Variants in SGPL1 observed in about 807,000 individuals in gnomAD.
SGPL1 encodes sphingosine-1-phosphate lyase 1.
SGPL1 carries 37 observed loss-of-function variants against 68.9 expected under a neutral mutation model. The ratio of observed to expected loss-of-function variants is 0.54; its 90% confidence interval spans 0.41 to 0.71. The LOEUF (loss-of-function observed/expected upper bound fraction) is 0.71, where lower values mean the gene tolerates loss of function less well. Among genes scored for constraint, SGPL1 ranks in the 30% least tolerant of loss-of-function variants. SGPL1 has a pLI of 0.00. For missense variants in SGPL1, 551 were observed against 704.6 expected, an observed-to-expected ratio of 0.78 and a Z score of 2.47; for synonymous variants, 236 against 248.5, an observed-to-expected ratio of 0.95 and a Z score of 0.47.
At chr10:70,861,086 T>C (rs1189220085) in intron 7 of SGPL1, among the ~76,000 whole-genome samples, 1 of 151,622 alleles carries the variant, frequency 6.6e-6, no homozygotes, top group Non-Finnish European at 1.5e-5. Context: ...ACTTTGTCCA[T>C]TTCCTGCTCC....
intron 7 of SGPL1, among the ~76,000 whole-genome samples, chr10:70,861,904 C>A (rs1313905226): frequency 6.6e-6 from 1 of 152,242 alleles, no homozygotes; most frequent in Non-Finnish European, 1.5e-5. Context: ...GACCTGCAGC[C>A]CGCCATGCCT....
intron 3 of SGPL1, among the ~76,000 whole-genome samples, chr10:70,846,228 G>A (rs1290134755): frequency 1.3e-5 from 2 of 152,144 alleles, no homozygotes; most frequent in South Asian, 2.1e-4. Flanking sequence ...CCCTTCCGCT[G>A]CATCTGCTCA....
intron 2 of SGPL1, among the ~76,000 whole-genome samples, chr10:70,832,412 T>C (rs932624152): frequency 6.6e-6 from 1 of 152,172 alleles, no homozygotes; most frequent in Non-Finnish European, 1.5e-5. Flanking sequence ...AGGGAAGGAA[T>C]TTCCACAAAT....
intron 2 of SGPL1, among the ~76,000 whole-genome samples, chr10:70,844,229 A>G (rs1845757591): frequency 2.0e-5 from 3 of 152,180 alleles, no homozygotes; most frequent in African/African-American, 7.2e-5. Context: ...CTCTTACTGT[A>G]TAAAATAGGC....
chr10:70,860,280 T>TG (rs1846029258), intron 7 of SGPL1: 1 of 431,098 alleles, frequency 2.3e-6, no homozygotes, highest in Non-Finnish European at 4.7e-6. Flanking sequence ...GTCCTAGAGG[T>TG]GCTAATCCTA....
intron 2 of SGPL1, among the ~76,000 whole-genome samples, chr10:70,828,157 T>G: frequency 6.6e-6 from 1 of 152,172 alleles, no homozygotes; most frequent in Non-Finnish European, 1.5e-5. Context: ...GCCAAACAGA[T>G]TTCCAAAGTG....
intron 3 of SGPL1, among the ~76,000 whole-genome samples, chr10:70,846,705 C>G (rs1845797636): frequency 6.6e-6 from 1 of 152,168 alleles, no homozygotes; most frequent in South Asian, 2.1e-4. Flanking sequence ...GCTTAGAGAT[C>G]TGAGATTTAT....
At position 70,857,588 on chromosome 10, in the gene SGPL1, AC is replaced by A. The variant is rs140087696; in HGVS notation, c.410-24del. 4.3e-4 allele frequency: 685 copies of A among 1,587,908 alleles called. 2 individuals carry two copies. The African/African-American group carries it at 7.8e-3, about 18-fold the overall frequency. Reference sequence around the variant, plus strand: ...TCTTCCCAGAGATTCTTGCTTACTGACCAGTGACCTTACCTTTCTCTGCAGA... The same window carrying A: ...TCTTCCCAGAGATTCTTGCTTACTGACAGTGACCTTACCTTTCTCTGCAGA... On this transcript the variant is annotated intron_variant, in intron 5 of 14. Transcript: ENST00000373202.
chr10:70,857,122 T>G (rs1589464805), intron 5 of SGPL1: 1 of 165,280 alleles, frequency 6.1e-6, no homozygotes, highest in East Asian at 1.9e-4. Flanking sequence ...GTTTGTTTGC[T>G]GGTTTCATCT....
rs1291721736 is a variant in SGPL1 at position 70,816,729 on chromosome 10, C to T, written c.-43-82C>T. The T allele has an allele frequency of 6.4e-6, 6 of 932,400 alleles. No individual in the cohort carries two copies. The South Asian group carries it at 6.5e-5, about 10-fold the overall frequency. 57.8% of individuals were successfully genotyped at this position (932,400 alleles called of 1,614,324 possible). ...CTTCAAAGGAGGGAGAGAACCATAA[C>T]TTGGCTGCTCTGGCGAATCTAGGCG... On this transcript the variant is annotated intron_variant, in intron 1 of 14. Coordinates refer to ENST00000373202, the MANE Select transcript of SGPL1 (RefSeq NM_003901.4).
intron 7 of SGPL1, among the ~76,000 whole-genome samples, chr10:70,863,589 AG>A (rs1011951895): frequency 1.3e-5 from 2 of 152,096 alleles, no homozygotes; most frequent in African/African-American, 4.8e-5. Context: ...CTTCCAGAGA[AG>A]ATTTGTCATA....
chr10:70,837,038 AAAAT>A (rs1209781274), intron 2 of SGPL1, among the ~76,000 whole-genome samples: 13 of 151,896 alleles, frequency 8.6e-5, no homozygotes, highest in Admixed American at 2.6e-4. Context: ...TTATTTTTAT[AAAAT>A]AAATTTATTT....
rs192137743 is a variant in SGPL1, at chr10:70,861,755, C to T, written c.615+2256C>T. Among the ~76,000 whole-genome samples, 995 of 152,308 alleles carry T rather than the reference C, an allele frequency of 6.5e-3. 13 individuals carry two copies. Among genetic ancestry groups the T allele is most frequent in the South Asian group, 0.035 (169 of 4,822 alleles). ...ACTCGGAGCAGCCGGCCGGCCCTGC[C>T]GGCCCCGGGCAATGAGGGGCTTAGC... On this transcript the variant is annotated intron_variant, in intron 7 of 14. Coordinates refer to ENST00000373202, the MANE Select transcript of SGPL1 (RefSeq NM_003901.4).
rs548713491 is a variant in SGPL1, at chr10:70,825,704, C to G, written c.27+8824C>G. Among the ~76,000 whole-genome samples the G allele has an allele frequency of 7.2e-5, 11 of 152,292 alleles. No individual in the cohort carries two copies. The South Asian group carries it at 2.3e-3, about 32-fold the overall frequency. On this transcript the variant is annotated intron_variant, in intron 2 of 14. Coordinates refer to ENST00000373202, the MANE Select transcript of SGPL1 (RefSeq NM_003901.4). The stretch of plus-strand genomic sequence containing the variant: ...TGCCTAGGAATCCCTCTACAATGCC[C>G]TGTCAGGAGTGAGTGCTACATACTT...
chr10:70,863,028 A>C (rs1229306978), intron 7 of SGPL1, among the ~76,000 whole-genome samples: 3 of 152,166 alleles, frequency 2.0e-5, no homozygotes, highest in Non-Finnish European at 1.5e-5. Context: ...TCTGTTGCTC[A>C]GGCCAGAGTG....
Position 70,875,473 on chromosome 10 carries a change from A to G in SGPL1, c.1370A>G (p.Asp457Gly). The change falls in exon 13 of 15, where the codon GAT (aspartate) becomes GGT (glycine). Residue 457 changes from aspartate (D) to glycine (G), a missense_variant. Transcript: ENST00000373202. ...TCAGTCATTGCTCTGGGATCCCGTG[A>G]TTTTGACATCTACCGACTATCAAAC... ...QLSVIALGSR[D>G]FDIYRLSNLM... 1.9e-6 allele frequency: 3 copies of G among 1,613,216 alleles called. No individual in the cohort carries two copies. The highest frequency in any genetic ancestry group is 2.7e-5 in the African/African-American group (2 of 75,020).
intron 14 of SGPL1, 23 bp from the exon 15 acceptor site, chr10:70,877,172 T>C (rs779020621): frequency 5.0e-6 from 8 of 1,613,388 alleles, no homozygotes; most frequent in East Asian, 2.2e-5. Flanking sequence ...TCACTAATAA[T>C]GTCTCTTTCT....
intron 11 of SGPL1, 53 bp downstream of exon 11, chr10:70,872,039 G>T (rs907069178): frequency 3.9e-6 from 6 of 1,551,098 alleles, no homozygotes; most frequent in Middle Eastern, 1.9e-4. Flanking sequence ...GACTATTATT[G>T]ATAAAATAAA....
chr10:70,853,338 A>G (rs1177189509), intron 4 of SGPL1, among the ~76,000 whole-genome samples: 1 of 152,184 alleles, frequency 6.6e-6, no homozygotes, highest in Non-Finnish European at 1.5e-5. Context: ...GAGATGAGAA[A>G]ATCTTAGTGT....
Sources: gnomAD v4.1 joint callset for allele counts (sites outside exome capture counted in the v4.1 genomes callset) on GRCh38, gnomAD v4.1.1 for gene constraint, MANE v1.5 for transcripts, NCBI Gene and HGNC (gene_info 2026-07-23, HGNC 2026-07-21) for gene names.